The following CGNL1 variants were observed in gnomAD, a reference collection of about 807,000 sequenced individuals.
The protein encoded by CGNL1 is cingulin like 1.
In CGNL1, 132 loss-of-function variants were observed where a neutral mutation model predicts 141.2. The observed-to-expected ratio is 0.93, with a 90% CI of 0.81 to 1.08. The LOEUF is 1.08. CGNL1 is among the 50% of genes least tolerant of loss of function. CGNL1 has a pLI of 0.00. For missense variants in CGNL1, 1,870 were observed against 1,588.6 expected (o/e 1.18, Z -3.01); for synonymous variants, 690 against 622.1 (o/e 1.11, Z -1.63).
intron 8 of CGNL1, among the ~76,000 whole-genome samples, chr15:57,475,029 C>T (rs2063633990): frequency 6.6e-6 from 1 of 152,198 alleles, no homozygotes; most frequent in Non-Finnish European, 1.5e-5. Flanking sequence ...CTGTGGCTTC[C>T]ACATCCACAG....
intron 1 of CGNL1, among the ~76,000 whole-genome samples, chr15:57,383,919 G>A (rs1167269814): frequency 6.6e-6 from 1 of 152,110 alleles, no homozygotes; most frequent in Non-Finnish European, 1.5e-5. Context: ...GATTACAGGC[G>A]TGAGCCACCG....
rs1166559948 is a variant in CGNL1, at chr15:57,391,986, CT to C, written c.-16+15420del. ...CACATTTTTCTTTCCCCCCCCTCAC[CT>C]GACACCATCACAATAAAAGTCTTAA... On this transcript the variant is annotated intron_variant, in intron 1 of 18. Transcript: ENST00000281282. Among the ~76,000 whole-genome samples, 8 of 151,206 alleles carry C rather than the reference CT, an allele frequency of 5.3e-5. No individual in the cohort carries two copies. In the South Asian group the frequency reaches 1.7e-3, roughly 32 times the overall value.
intron 6 of CGNL1, 148 bp from the exon 7 acceptor site, chr15:57,453,535 G>GT: frequency 2.1e-6 from 2 of 937,406 alleles, no homozygotes; most frequent in Non-Finnish European, 3.1e-6. Context: ...TTTCAGGTTG[G>GT]TGATCCCTTG....
Position 57,544,454 on chromosome 15 carries a change from T to TC in CGNL1, c.3376-18dup, listed in dbSNP as rs1421259767. 1.2e-6 allele frequency: 2 copies of TC among 1,613,876 alleles called. No homozygotes were observed. The highest frequency in any genetic ancestry group is 2.2e-5 in the East Asian group (1 of 44,878). The stretch of plus-strand genomic sequence containing the variant: ...GTGGCAGACACATAGCCCCTCACAG[T>TC]CTCCCTGTGTTGTTCCAGAACAAGG... On this transcript the variant is annotated intron_variant, in intron 15 of 18. Transcript: ENST00000281282.
intron 8 of CGNL1, among the ~76,000 whole-genome samples, chr15:57,513,407 C>T (rs1380279728): frequency 6.6e-6 from 1 of 152,100 alleles, no homozygotes; most frequent in Admixed American, 6.6e-5. Context: ...TATGGATATG[C>T]CACATTTTGT....
chr15:57,386,695 C>A (rs539757770), intron 1 of CGNL1, among the ~76,000 whole-genome samples: 1 of 152,124 alleles, frequency 6.6e-6, no homozygotes, highest in South Asian at 2.1e-4. Flanking sequence ...ATGAGGATAA[C>A]GACAGTGACG....
intron 12 of CGNL1, among the ~76,000 whole-genome samples, chr15:57,525,420 A>G (rs1471270269): frequency 6.6e-6 from 1 of 152,252 alleles, no homozygotes; most frequent in African/African-American, 2.4e-5. Context: ...ATTTCTAGCT[A>G]TACCTCTTGC....
chr15:57,495,377 G>A (rs2063923281), intron 8 of CGNL1, among the ~76,000 whole-genome samples: 1 of 152,168 alleles, frequency 6.6e-6, no homozygotes, highest in African/African-American at 2.4e-5. Context: ...AGACCTCGAG[G>A]TGGCATTGAG....
chr15:57,442,322 T>G, intron 3 of CGNL1, 51 bp from the exon 4 acceptor site: 3 of 1,145,976 alleles, frequency 2.6e-6, no homozygotes, highest in Non-Finnish European at 3.9e-6. Flanking sequence ...TAAATTGTTC[T>G]GAGACCAGTG....
At chr15:57,384,391 C>G (rs1013589242) in intron 1 of CGNL1, among the ~76,000 whole-genome samples, 3 of 152,156 alleles carry the variant, frequency 2.0e-5, no homozygotes, top group Admixed American at 1.3e-4. Context: ...TATCATAAAC[C>G]CATTTTACAG....
intron 3 of CGNL1, among the ~76,000 whole-genome samples, chr15:57,441,449 A>G (rs1480885443): frequency 1.3e-5 from 2 of 151,838 alleles, no homozygotes; most frequent in Non-Finnish European, 2.9e-5. Context: ...GCTCACTGCA[A>G]CCCCCACCTC....
chr15:57,435,508 AT>A (rs1361578657), intron 1 of CGNL1, among the ~76,000 whole-genome samples: 1 of 151,908 alleles, frequency 6.6e-6, no homozygotes, highest in East Asian at 1.9e-4. Context: ...TGATTAAAAA[AT>A]AAATTATTTA....
At position 57,518,997 on chromosome 15, in the gene CGNL1, T is replaced by C. The variant is rs529729445; in HGVS notation, c.2715+500T>C. 2.6e-3 allele frequency among the ~76,000 whole-genome samples: 396 copies of C among 152,366 alleles called. 3 individuals are homozygous for C. Among genetic ancestry groups the C allele is most frequent in the South Asian group, 5.2e-3 (25 of 4,830 alleles). Reference sequence around the variant, plus strand: ...CTTTCTCCTGTGGGCAAATGCACTCTATAGAGTACATTCCTTCAGGATGGC... The same window carrying C: ...CTTTCTCCTGTGGGCAAATGCACTCCATAGAGTACATTCCTTCAGGATGGC... On this transcript the variant is annotated intron_variant, in intron 10 of 18. Transcript: ENST00000281282.
chr15:57,453,577 T>A (rs1234165253), intron 6 of CGNL1, 106 bp from the exon 7 acceptor site: 62 of 1,442,308 alleles, frequency 4.3e-5, no homozygotes, highest in Non-Finnish European at 5.7e-5. Context: ...GGGAGGCTCC[T>A]TGGGGCTTTA....
chr15:57,415,730 G>T (rs1182597635), intron 1 of CGNL1, among the ~76,000 whole-genome samples: 1 of 152,192 alleles, frequency 6.6e-6, no homozygotes, highest in Non-Finnish European at 1.5e-5. Context: ...CCTGGCACGG[G>T]CCCAACGTAG....
chr15:57,517,004 C>A lies in CGNL1; in HGVS notation c.2610+18C>A, dbSNP rs1162431246. ...AGTACGAGGTGAGGCTCGCTGGGCCCAGGCCCAGCTTTGGCAGCTGCTGCT... is the reference window on the plus strand; with the variant it reads ...AGTACGAGGTGAGGCTCGCTGGGCCAAGGCCCAGCTTTGGCAGCTGCTGCT... On this transcript the variant is annotated intron_variant, in intron 9 of 18. Coordinates refer to ENST00000281282, the MANE Select transcript of CGNL1 (RefSeq NM_032866.5). The A allele has an allele frequency of 1.9e-6, 3 of 1,605,478 alleles. No homozygotes were observed. The highest frequency in any genetic ancestry group is 2.6e-6 in the Non-Finnish European group (3 of 1,175,778).
intron 14 of CGNL1, among the ~76,000 whole-genome samples, chr15:57,534,446 A>T (rs1355876971): frequency 6.6e-6 from 1 of 152,190 alleles, no homozygotes; most frequent in Non-Finnish European, 1.5e-5. Flanking sequence ...GGGTGGGCCA[A>T]ATACCCGCCT....
At chr15:57,446,133 A>G (rs1183904624) in intron 4 of CGNL1, among the ~76,000 whole-genome samples, 4 of 152,222 alleles carry the variant, frequency 2.6e-5, no homozygotes, top group African/African-American at 4.8e-5. Flanking sequence ...GGTCTTGGGA[A>G]CACAGAGGCA....
At chr15:57,434,315 G>A (rs2063079375) in intron 1 of CGNL1, among the ~76,000 whole-genome samples, 1 of 152,008 alleles carries the variant, frequency 6.6e-6, no homozygotes, top group Non-Finnish European at 1.5e-5. Context: ...GAAAAGTAGA[G>A]TAAAAAAGAT....
Sources: allele counts gnomAD v4.1 joint callset (sites outside exome capture counted in the v4.1 genomes callset), GRCh38; gene constraint gnomAD v4.1.1; transcripts MANE v1.5; gene names NCBI Gene and HGNC (gene_info 2026-07-23, HGNC 2026-07-21).